Variants in ROBO1 observed in about 807,000 individuals in gnomAD.
ROBO1 encodes roundabout homolog 1.
Under a neutral mutation model 195.9 loss-of-function variants are expected in ROBO1, and 149 were observed. That is an observed-to-expected ratio of 0.76 (90% CI 0.67 to 0.87). The LOEUF is 0.87. Among genes scored for constraint, ROBO1 ranks in the 40% least tolerant of loss-of-function variants. ROBO1 has a pLI of 0.00. For synonymous variants in ROBO1, 816 were observed against 733.2 expected, an observed-to-expected ratio of 1.11 and a Z score of -1.82; for missense variants, 1,933 against 2,068.3, an observed-to-expected ratio of 0.93 and a Z score of 1.27.
chr3:79,674,864 G>A (rs1302014171), intron 1 of ROBO1, among the ~76,000 whole-genome samples: 4 of 149,964 alleles, frequency 2.7e-5, no homozygotes, highest in Non-Finnish European at 5.9e-5. Context: ...GTGTGTGTGT[G>A]TGTATTTACA....
chr3:79,209,472 ATTTT>A (rs542237599), intron 2 of ROBO1, among the ~76,000 whole-genome samples: 1 of 151,254 alleles, frequency 6.6e-6, no homozygotes, highest in Admixed American at 6.6e-5. Flanking sequence ...TGTTTTTTTT[ATTTT>A]TTTATATTAT....
intron 2 of ROBO1, among the ~76,000 whole-genome samples, chr3:79,400,245 T>C (rs1295705575): frequency 6.6e-6 from 1 of 152,054 alleles, no homozygotes; most frequent in East Asian, 1.9e-4. Context: ...TTTCTATCAA[T>C]TTCCTGAGTC....
chr3:79,287,001 G>A (rs2031925826), intron 2 of ROBO1, among the ~76,000 whole-genome samples: 1 of 152,070 alleles, frequency 6.6e-6, no homozygotes, highest in African/African-American at 2.4e-5. Context: ...CATGCATATG[G>A]TGATATCATT....
chr3:79,583,090 T>C (rs902015155), intron 2 of ROBO1, among the ~76,000 whole-genome samples: 4 of 152,004 alleles, frequency 2.6e-5, no homozygotes, highest in Admixed American at 2.6e-4. Context: ...CAAGACCTCA[T>C]CCTTGCTAAC....
intron 4 of ROBO1, among the ~76,000 whole-genome samples, chr3:78,782,546 C>T (rs1430544682): frequency 6.6e-6 from 1 of 152,118 alleles, no homozygotes; most frequent in African/African-American, 2.4e-5. Flanking sequence ...AGTTTCTCTT[C>T]AAACTCTGCA....
At chr3:79,563,152 G>A (rs36096897) in intron 2 of ROBO1, among the ~76,000 whole-genome samples, 21,917 of 151,934 alleles carry the variant, frequency 0.14, 2,011 homozygotes, top group African/African-American at 0.25. Context: ...CATGTCATGT[G>A]TTTTCTTTGT....
In ROBO1 at chr3:78,856,517, C is replaced by A. The variant is rs543846248; in HGVS notation, c.499+82084G>T. ...GTAACCCAAACATTGTAAGGACATG[C>A]AATTAATTCTCTCAACATTTAGCGT... On this transcript the variant is annotated intron_variant, in intron 4 of 30. Coordinates refer to ENST00000464233, the MANE Select transcript of ROBO1 (RefSeq NM_002941.4). Among the ~76,000 whole-genome samples the A allele has an allele frequency of 2.6e-5, 4 of 151,706 alleles. No homozygotes were observed. The South Asian group carries it at 8.3e-4, about 31-fold the overall frequency.
intron 5 of ROBO1, 82 bp downstream of exon 5, chr3:78,746,661 C>T: frequency 8.4e-7 from 1 of 1,187,058 alleles, no homozygotes; most frequent in Non-Finnish European, 1.1e-6. Flanking sequence ...AAATAATCTA[C>T]TTCATTTTTC....
At chr3:78,766,914 T>C (rs919258572) in intron 4 of ROBO1, among the ~76,000 whole-genome samples, 1 of 152,214 alleles carries the variant, frequency 6.6e-6, no homozygotes, top group Non-Finnish European at 1.5e-5. Context: ...ATATGGTGTA[T>C]CGCATTGACT....
chr3:79,416,082 T>TA lies in ROBO1; in HGVS notation c.88+173741dup, dbSNP rs11316210. On this transcript the variant is annotated intron_variant, in intron 2 of 30. Transcript: ENST00000464233. Reference sequence around the variant, plus strand: ...GAAAGAAAACAAATATATACCAACATAAAAAAAATAACACTTCAAATCTAG... The same window carrying TA: ...GAAAGAAAACAAATATATACCAACATAAAAAAAAATAACACTTCAAATCTAG... Among the ~76,000 whole-genome samples the TA allele has an allele frequency of 6.6e-5, 10 of 151,704 alleles. No homozygotes were observed. The East Asian group carries it at 7.8e-4, about 12-fold the overall frequency.
At chr3:79,106,088 A>T (rs1473515624) in intron 3 of ROBO1, among the ~76,000 whole-genome samples, 2 of 151,828 alleles carry the variant, frequency 1.3e-5, no homozygotes, top group African/African-American at 4.8e-5. Flanking sequence ...TATCTTGCTT[A>T]AAATCAAAGC....
rs748311937 is a variant in ROBO1 at position 79,767,459 on chromosome 3, A to G, written c.-51+293T>C. On this transcript the variant is annotated intron_variant, in intron 1 of 30. Coordinates refer to ENST00000464233, the MANE Select transcript of ROBO1 (RefSeq NM_002941.4). ...CTTCTTTGTTAAGCAGCCGCAGCCT[A>G]CCTGGAACGGACACTCTGCACAACT... Among the ~76,000 whole-genome samples the G allele has an allele frequency of 1.2e-3, 180 of 152,324 alleles. 2 individuals carry two copies. The highest frequency in any genetic ancestry group is 3.5e-3 in the Admixed American group (53 of 15,298).
At chr3:78,875,310 G>A (rs1433048941) in intron 4 of ROBO1, among the ~76,000 whole-genome samples, 3 of 151,934 alleles carry the variant, frequency 2.0e-5, no homozygotes, top group Non-Finnish European at 4.4e-5. Flanking sequence ...CTGGATAGTA[G>A]ATCAGCAATT....
intron 2 of ROBO1, among the ~76,000 whole-genome samples, chr3:79,238,861 C>T (rs2082460369): frequency 6.6e-6 from 1 of 152,210 alleles, no homozygotes; most frequent in African/African-American, 2.4e-5. Context: ...TGTTTTCTGT[C>T]ACTTGCACAA....
intron 5 of ROBO1, among the ~76,000 whole-genome samples, chr3:78,742,878 G>A (rs2082566438): frequency 6.6e-6 from 1 of 152,142 alleles, no homozygotes; most frequent in Non-Finnish European, 1.5e-5. Flanking sequence ...TCTTTAATTA[G>A]AGGACAGCAT....
intron 5 of ROBO1, among the ~76,000 whole-genome samples, chr3:78,746,174 T>TA (rs1379394984): frequency 6.6e-6 from 1 of 152,302 alleles, no homozygotes; most frequent in South Asian, 2.1e-4. Flanking sequence ...ACAAATCACA[T>TA]ATAATTTCTT....
intron 1 of ROBO1, among the ~76,000 whole-genome samples, chr3:79,638,481 C>T (rs1945561509): frequency 3.3e-5 from 5 of 152,164 alleles, no homozygotes; most frequent in Admixed American, 3.3e-4. Context: ...ACCTCTGCCA[C>T]CTGGCTCAGG....
chr3:78,946,347 A>C (rs961083372), intron 3 of ROBO1, among the ~76,000 whole-genome samples: 1 of 152,248 alleles, frequency 6.6e-6, no homozygotes, highest in African/African-American at 2.4e-5. Flanking sequence ...TACAAGCTAG[A>C]GGAGAGTGGG....
chr3:79,233,040 T>C (rs1227818676), intron 2 of ROBO1, among the ~76,000 whole-genome samples: 1 of 151,906 alleles, frequency 6.6e-6, no homozygotes, highest in Non-Finnish European at 1.5e-5. Flanking sequence ...TTTGTTTTAA[T>C]AAAATAGCCC....
Sources: gnomAD v4.1 joint callset for allele counts (sites outside exome capture counted in the v4.1 genomes callset) on GRCh38, gnomAD v4.1.1 for gene constraint, MANE v1.5 for transcripts, NCBI Gene and HGNC (gene_info 2026-07-23, HGNC 2026-07-21) for gene names.